CP: variants seen among roughly 807,000 people sequenced by gnomAD.
The protein encoded by CP is caeruloplasmin.
CP carries 64 observed loss-of-function variants against 122.4 expected under a neutral mutation model. That is an observed-to-expected ratio of 0.52 (90% CI 0.43 to 0.64). CP has a LOEUF of 0.64. CP is among the 30% of genes least tolerant of loss of function. CP has a pLI of 0.00. For missense variants in CP, 1,167 were observed against 1,284.4 expected (o/e 0.91, Z 1.40); for synonymous variants, 440 against 436.4 (o/e 1.01, Z -0.10).
In CP at chr3:149,212,715, G is replaced by T. The variant is rs2108302665; in HGVS notation, c.147-17C>A. The T allele has an allele frequency of 3.1e-6, 5 of 1,612,332 alleles. No homozygotes were observed. The East Asian group carries it at 6.7e-5, about 22-fold the overall frequency. On this transcript the variant is annotated splice_polypyrimidine_tract_variant and intron_variant, in intron 1 of 18. Transcript: ENST00000264613. Reference sequence around the variant, plus strand: ...GAATGTTCCCTGCAAAGAAAAACAAGACAACTCTATCAGAAGCCATCATTT... The same window carrying T: ...GAATGTTCCCTGCAAAGAAAAACAATACAACTCTATCAGAAGCCATCATTT...
chr3:149,218,058 G>T, intron 1 of CP: 1 of 192,054 alleles, frequency 5.2e-6, no homozygotes. Context: ...GCCTGAGTGA[G>T]AGCCTATGAA....
exon 6 of CP, chr3:149,162,799 A>C (rs1325262911): frequency 3.1e-6 from 5 of 1,614,040 alleles, no homozygotes; most frequent in Non-Finnish European, 4.2e-6. Context: ...CTCTTTTTCA[A>C]ACTCACATCA....
chr3:149,199,785 C>A lies in CP; in HGVS notation c.1428G>T (p.Glu476Asp). 1.2e-6 allele frequency: 2 copies of A among 1,614,172 alleles called. No homozygotes were observed. Among genetic ancestry groups the A allele is most frequent in the Non-Finnish European group, 1.7e-6 (2 of 1,180,004 alleles). ...TCTTATTGAATCTCACCCCAATCGG[C>A]TCAATACTGAGGGGATATGCTCCTT... The part of the protein sequence containing the change: ...HNKGAYPLSI[E>D]PIGVRFNKNN... Residue 476 changes from glutamate (E) to aspartate (D), a missense_variant, in exon 8 of 19, where the codon GAG becomes GAT. By Grantham distance (45) the Glu-to-Asp change is conservative. This residue lies in a region of CP where 642 missense variants were observed against 627.3 expected (regional missense o/e 1.02). Transcript: ENST00000264613.
intron 14 of CP, 82 bp downstream of exon 14, chr3:149,181,923 A>G: frequency 1.3e-6 from 2 of 1,500,254 alleles, no homozygotes; most frequent in African/African-American, 1.4e-5. Context: ...CTTGGTCCAG[A>G]CTCTCTATGA....
chr3:149,180,687 C>CT (rs1725720376), intron 14 of CP, among the ~76,000 whole-genome samples: 1 of 152,172 alleles, frequency 6.6e-6, no homozygotes, highest in Non-Finnish European at 1.5e-5. Context: ...TGTCCTCACC[C>CT]TTTTTCTAAG....
downstream of CP, chr3:149,168,545 T>C (rs943096080): frequency 1.9e-5 from 3 of 153,906 alleles, no homozygotes; most frequent in African/African-American, 7.2e-5. Flanking sequence ...ACAAAGGGTA[T>C]GGGTATATCA....
At chr3:149,200,375 T>C (rs900690140) in intron 7 of CP, among the ~76,000 whole-genome samples, 1 of 152,200 alleles carries the variant, frequency 6.6e-6, no homozygotes, top group African/African-American at 2.4e-5. Context: ...AAATGACATT[T>C]ATAGAGAGTT....
In CP at chr3:149,176,908, A is replaced by G. The variant is rs111966905; in HGVS notation, c.3019-496T>C. On this transcript the variant is annotated intron_variant, in intron 17 of 18. Coordinates refer to ENST00000264613, the MANE Select transcript of CP (RefSeq NM_000096.4). Reference sequence around the variant, plus strand: ...AACAGTAGTTGGGTGACAATAGTCTATTTCTGCAAGGATAGAATTGAAAGC... The same window carrying G: ...AACAGTAGTTGGGTGACAATAGTCTGTTTCTGCAAGGATAGAATTGAAAGC... 1.8e-3 allele frequency among the ~76,000 whole-genome samples: 273 copies of G among 152,322 alleles called. 3 individuals carry two copies. The highest frequency in any genetic ancestry group is 5.4e-3 in the African/African-American group (223 of 41,578).
chr3:149,165,593 C>T (rs77466686), intron 5 of CP, among the ~76,000 whole-genome samples: 3,483 of 152,160 alleles, frequency 0.023, 50 homozygotes, highest in Middle Eastern at 0.037. Flanking sequence ...CCTCCCACCT[C>T]GGGTTCCCAA....
chr3:149,212,367 G>T, intron 2 of CP, 84 bp downstream of exon 2: 1 of 1,477,292 alleles, frequency 6.8e-7, no homozygotes, highest in South Asian at 1.2e-5. Flanking sequence ...GTCTTATCCA[G>T]GAGAGAAGTC....
intron 6 of CP, among the ~76,000 whole-genome samples, chr3:149,203,753 A>G (rs1727510312): frequency 6.6e-6 from 1 of 152,176 alleles, no homozygotes. Context: ...GAATCCTGCT[A>G]TGTGTTGATG....
At chr3:149,202,002 A>G in intron 7 of CP, 100 bp downstream of exon 7, 2 of 1,468,916 alleles carry the variant, frequency 1.4e-6, no homozygotes, top group Non-Finnish European at 1.9e-6. Context: ...TACTTAACAC[A>G]TAGAAATCAT....
chr3:149,167,475 G>A (rs1243610681), intron 4 of CP, among the ~76,000 whole-genome samples: 3 of 152,208 alleles, frequency 2.0e-5, no homozygotes, highest in Non-Finnish European at 4.4e-5. Context: ...TGGAGATGAA[G>A]TAGTTGATTA....
rs139058165 is a variant in CP, at chr3:149,182,113, C to T, written c.2446G>A (p.Val816Ile). ...GILGPQLHAD[V>I]GDKVKIIFKN... ...AAGATAATTTTGACTTTGTCTCCAACATCTGCATGAAGTTGTGGACCTGGC... is the reference window on the plus strand; with the variant it reads ...AAGATAATTTTGACTTTGTCTCCAATATCTGCATGAAGTTGTGGACCTGGC... The change falls in exon 14 of 19, where the codon GTT (valine) becomes ATT (isoleucine). Residue 816 changes from valine (V) to isoleucine (I), a missense_variant. Physicochemically the swap from Val to Ile is conservative, Grantham distance 29. Around this residue, in one of 2 missense-constraint regions of CP, gnomAD observed 525 missense variants for 657.2 expected, o/e 0.80. Coordinates refer to ENST00000264613, the MANE Select transcript of CP (RefSeq NM_000096.4). 984 of 1,613,128 alleles carry T rather than the reference C, an allele frequency of 6.1e-4. No homozygotes were observed. Among genetic ancestry groups the T allele is most frequent in the Non-Finnish European group, 7.5e-4 (889 of 1,179,378 alleles).
Position 149,209,274 on chromosome 3 carries a change from A to G in CP, c.718T>C (p.Cys240Arg), listed in dbSNP as rs746219133. 2.5e-6 allele frequency: 4 copies of G among 1,613,816 alleles called. No homozygotes were observed. The highest frequency in any genetic ancestry group is 1.1e-5 in the South Asian group (1 of 91,068). The stretch of plus-strand genomic sequence containing the variant: ...TTGTCAACTTTCTCTGGTTCTGAGC[A>G]GTAGGTTTTAATGTTGTCTTCTAGG... ...WYLEDNIKTY[C>R]SEPEKVDKDN... The change falls in exon 4 of 19, where the codon TGC becomes CGC. Residue 240 changes from cysteine to arginine, a missense_variant. Physicochemically the swap from Cys to Arg is radical, Grantham distance 180. Around this residue, in one of 2 missense-constraint regions of CP, gnomAD observed 642 missense variants for 627.3 expected, o/e 1.02. Transcript: ENST00000264613.
intron 11 of CP, chr3:149,186,256 A>G: frequency 2.0e-6 from 1 of 507,838 alleles, no homozygotes; most frequent in Admixed American, 3.2e-5. Flanking sequence ...TAATCTAAAA[A>G]GGGATCATCT....
chr3:149,214,994 G>A (rs751170426), intron 1 of CP, among the ~76,000 whole-genome samples: 34 of 152,254 alleles, frequency 2.2e-4, no homozygotes, highest in Non-Finnish European at 1.5e-4. Flanking sequence ...CAATCTCACA[G>A]AGACTTGTCT....
chr3:149,184,516 C>T (rs1490550451), intron 12 of CP, among the ~76,000 whole-genome samples: 1 of 152,186 alleles, frequency 6.6e-6, no homozygotes, highest in Non-Finnish European at 1.5e-5. Flanking sequence ...CTGCCCACCC[C>T]AATCTCTCAG....
chr3:149,167,883 C>G (rs1204649364), downstream of CP: 2 of 1,529,488 alleles, frequency 1.3e-6, no homozygotes, highest in Admixed American at 1.7e-5. Flanking sequence ...TTCATTTTTT[C>G]CTAAGATAGA....
Sources: gnomAD v4.1 joint callset for allele counts (sites outside exome capture counted in the v4.1 genomes callset) on GRCh38, gnomAD v4.1.1 for gene constraint, gnomAD v4.1.1 regional missense constraint, MANE v1.5 for transcripts, NCBI Gene and HGNC (gene_info 2026-07-23, HGNC 2026-07-21) for gene names.